The following WDR70 variants were observed in gnomAD, a reference collection of about 807,000 sequenced individuals.
WDR70 encodes the protein WD repeat domain 70.
A neutral mutation model predicts 88.6 loss-of-function variants in WDR70; 53 were observed. That is an observed-to-expected ratio of 0.60 (90% CI 0.48 to 0.75). WDR70 has a LOEUF of 0.75. Among genes scored for constraint, WDR70 ranks in the 30% least tolerant of loss-of-function variants. WDR70 has a pLI of 0.00. For missense variants in WDR70, 610 were observed against 823.2 expected (o/e 0.74, Z 3.17); for synonymous variants, 280 against 270.0 (o/e 1.04, Z -0.36).
chr5:37,643,931 C>A (rs1745167860), intron 10 of WDR70, among the ~76,000 whole-genome samples: 1 of 152,030 alleles, frequency 6.6e-6, no homozygotes, highest in African/African-American at 2.4e-5. Context: ...CATCTGCAAA[C>A]AAGGATAATT....
intron 8 of WDR70, 77 bp downstream of exon 8, chr5:37,480,064 A>G: frequency 6.6e-7 from 1 of 1,510,202 alleles, no homozygotes; most frequent in Middle Eastern, 1.8e-4. Context: ...ATCATGTAAT[A>G]ATTTTCCCCA....
intron 10 of WDR70, among the ~76,000 whole-genome samples, chr5:37,689,708 C>T (rs1746725990): frequency 7.9e-5 from 12 of 152,216 alleles, no homozygotes. Context: ...ATCTGTAGGT[C>T]ACCAACATCA....
chr5:37,457,426 C>G (rs1332588574), intron 7 of WDR70, among the ~76,000 whole-genome samples: 1 of 152,160 alleles, frequency 6.6e-6, no homozygotes, highest in East Asian at 1.9e-4. Flanking sequence ...AAACTGTAAA[C>G]TATGATGGCA....
At chr5:37,664,375 T>C (rs1253026118) in intron 10 of WDR70, among the ~76,000 whole-genome samples, 1 of 152,240 alleles carries the variant, frequency 6.6e-6, no homozygotes, top group East Asian at 1.9e-4. Flanking sequence ...TGGTCTGTTA[T>C]TGAGTCCTAC....
At chr5:37,609,501 A>G (rs960455924) in intron 10 of WDR70, among the ~76,000 whole-genome samples, 12 of 152,224 alleles carry the variant, frequency 7.9e-5, no homozygotes, top group Non-Finnish European at 1.8e-4. Flanking sequence ...TTTGTAGGCT[A>G]AGTTTTTGTC....
chr5:37,516,382 T>C (rs1740883844), intron 8 of WDR70, 132 bp from the exon 9 acceptor site: 1 of 502,352 alleles, frequency 2.0e-6, no homozygotes, highest in African/African-American at 1.9e-5. Flanking sequence ...ATAATATAGG[T>C]TTATAATTAA....
intron 10 of WDR70, among the ~76,000 whole-genome samples, chr5:37,656,456 A>G (rs1433297605): frequency 6.6e-6 from 1 of 152,188 alleles, no homozygotes; most frequent in African/African-American, 2.4e-5. Flanking sequence ...TCTGTCCCTT[A>G]GCAGAGCTCA....
intron 10 of WDR70, among the ~76,000 whole-genome samples, chr5:37,636,141 G>A (rs192424139): frequency 5.9e-5 from 9 of 152,224 alleles, no homozygotes; most frequent in African/African-American, 2.2e-4. Context: ...AGTCAAGTTG[G>A]GATAATTTGT....
intron 5 of WDR70, among the ~76,000 whole-genome samples, chr5:37,432,330 T>C (rs1368285434): frequency 6.6e-6 from 1 of 152,218 alleles, no homozygotes; most frequent in Non-Finnish European, 1.5e-5. Context: ...CATCTTTTCA[T>C]GTGCTTATTG....
chr5:37,746,427 A>G (rs1210176038), intron 17 of WDR70, among the ~76,000 whole-genome samples: 1 of 152,200 alleles, frequency 6.6e-6, no homozygotes, highest in Non-Finnish European at 1.5e-5. Flanking sequence ...AACTAAGAGA[A>G]GAATTGAAGG....
intron 5 of WDR70, among the ~76,000 whole-genome samples, chr5:37,397,197 CT>C (rs1749044738): frequency 7.4e-6 from 1 of 135,314 alleles, no homozygotes; most frequent in African/African-American, 2.7e-5. Context: ...GAGTTTATTA[CT>C]GACAGCCTGT....
At chr5:37,514,009 T>G (rs1010612157) in intron 8 of WDR70, among the ~76,000 whole-genome samples, 2 of 151,998 alleles carry the variant, frequency 1.3e-5, no homozygotes, top group African/African-American at 4.8e-5. Context: ...TTAATTTAAT[T>G]AAATTGATCA....
chr5:37,435,152 AT>A (rs539716853), intron 5 of WDR70, among the ~76,000 whole-genome samples: 2 of 152,148 alleles, frequency 1.3e-5, no homozygotes, highest in Non-Finnish European at 2.9e-5. Flanking sequence ...GTCCTTGTAA[AT>A]TTTTTTAAGT....
intron 10 of WDR70, among the ~76,000 whole-genome samples, chr5:37,631,875 A>G (rs1307645740): frequency 1.3e-5 from 2 of 152,182 alleles, no homozygotes; most frequent in Admixed American, 1.3e-4. Flanking sequence ...CCTACTACTT[A>G]TCTGTGCACC....
At chr5:37,595,862 G>T (rs1192311033) in intron 9 of WDR70, among the ~76,000 whole-genome samples, 1 of 152,106 alleles carries the variant, frequency 6.6e-6, no homozygotes, top group Non-Finnish European at 1.5e-5. Context: ...ATGAATGAAA[G>T]AAATAATTTC....
At chr5:37,483,810 C>T (rs1293186495) in intron 8 of WDR70, among the ~76,000 whole-genome samples, 20 of 151,664 alleles carry the variant, frequency 1.3e-4, no homozygotes, top group Admixed American at 2.6e-4. Context: ...GGCGGCTGGC[C>T]GGGCAGAGGG....
intron 10 of WDR70, among the ~76,000 whole-genome samples, chr5:37,607,495 A>G (rs1744066990): frequency 6.6e-6 from 1 of 152,236 alleles, no homozygotes. Context: ...ATATCTTTTT[A>G]GAAGTAAGGT....
intron 17 of WDR70, among the ~76,000 whole-genome samples, chr5:37,731,984 T>A (rs1430807945): frequency 1.3e-5 from 2 of 152,198 alleles, no homozygotes; most frequent in Admixed American, 6.5e-5. Flanking sequence ...TTCTGACATC[T>A]AATAACGAGT....
At chr5:37,496,379 C>T (rs562568899) in intron 8 of WDR70, among the ~76,000 whole-genome samples, 2 of 152,168 alleles carry the variant, frequency 1.3e-5, no homozygotes, top group African/African-American at 4.8e-5. Flanking sequence ...AGGTCTGTGG[C>T]TTCACTCCTG....
Sources: allele counts gnomAD v4.1 joint callset (sites outside exome capture counted in the v4.1 genomes callset), GRCh38; gene constraint gnomAD v4.1.1; transcripts MANE v1.5; gene names NCBI Gene and HGNC (gene_info 2026-07-23, HGNC 2026-07-21).